The following SYNPO2 variants were observed in gnomAD, a reference collection of about 807,000 sequenced individuals.
SYNPO2 encodes the protein synaptopodin 2.
SYNPO2 carries 56 observed loss-of-function variants against 85.0 expected under a neutral mutation model. That is an observed-to-expected ratio of 0.66 (90% CI 0.53 to 0.82). The LOEUF is 0.82. Ranked by LOEUF, SYNPO2 falls within the 40% of genes least tolerant of loss-of-function variation. The pLI is 0.00. For missense variants in SYNPO2, 1,575 were observed against 1,534.2 expected (o/e 1.03, Z -0.44); for synonymous variants, 602 against 591.1 (o/e 1.02, Z -0.27).
At chr4:118,932,807 T>C (rs569380514) in intron 1 of SYNPO2, among the ~76,000 whole-genome samples, 1 of 152,340 alleles carries the variant, frequency 6.6e-6, no homozygotes, top group South Asian at 2.1e-4. Context: ...CAAGAACCTG[T>C]CTTTGTGGAG....
chr4:118,910,749 G>C (rs1733108330), intron 1 of SYNPO2, among the ~76,000 whole-genome samples: 1 of 152,100 alleles, frequency 6.6e-6, no homozygotes. Flanking sequence ...TAATCCAATA[G>C]TTCATTCTGA....
chr4:119,032,573 T>C lies in SYNPO2; in HGVS notation c.3252+546T>C, dbSNP rs868084458. On this transcript the variant is annotated intron_variant, in intron 4 of 4. Transcript: ENST00000307142. ...CTGTCAATCTCAGCCACCTGTTTGA[T>C]ATCACAGAGAAGATACTCGGAGGAT... The C allele has an allele frequency of 1.5e-4, 145 of 996,318 alleles. No homozygotes were observed. The Middle Eastern group carries it at 2.6e-3, about 18-fold the overall frequency. 61.7% of individuals were successfully genotyped at this position (996,318 alleles called of 1,614,324 possible).
intron 1 of SYNPO2, among the ~76,000 whole-genome samples, chr4:118,982,496 T>C (rs1376606957): frequency 6.6e-6 from 1 of 152,002 alleles, no homozygotes; most frequent in Non-Finnish European, 1.5e-5. Flanking sequence ...TGAGAGAAAA[T>C]AAAAGAGGGG....
At chr4:118,921,556 T>C (rs976400294) in intron 1 of SYNPO2, among the ~76,000 whole-genome samples, 10 of 152,070 alleles carry the variant, frequency 6.6e-5, no homozygotes, top group African/African-American at 2.2e-4. Flanking sequence ...GAGCCCAGCC[T>C]GGGAAACATA....
intron 1 of SYNPO2, among the ~76,000 whole-genome samples, chr4:118,984,741 A>T (rs1420016880): frequency 6.6e-6 from 1 of 152,162 alleles, no homozygotes; most frequent in Non-Finnish European, 1.5e-5. Context: ...TAAGCACTTG[A>T]TGAGTCTATC....
At chr4:118,916,672 G>A (rs901958335) in intron 1 of SYNPO2, among the ~76,000 whole-genome samples, 3 of 147,404 alleles carry the variant, frequency 2.0e-5, no homozygotes, top group Admixed American at 1.3e-4. Context: ...TGTTTTTGAA[G>A]TTTCAGAGCA....
intron 1 of SYNPO2, among the ~76,000 whole-genome samples, chr4:118,899,061 A>G (rs1266119019): frequency 2.0e-5 from 3 of 152,242 alleles, no homozygotes; most frequent in Admixed American, 6.5e-5. Flanking sequence ...GTGATCACAC[A>G]CAGCTTTCAC....
rs564645175 is a variant in SYNPO2 at position 119,005,601 on chromosome 4, A to G, written c.106-17829A>G. ...CATTGGTCTATATCTCTGTTTTGGT[A>G]CCAGTACCATGCTGTTTTGGTTACT... On this transcript the variant is annotated intron_variant, in intron 1 of 4. Transcript: ENST00000307142. Among the ~76,000 whole-genome samples the G allele has an allele frequency of 1.4e-3, 195 of 143,532 alleles. 2 individuals carry two copies. The highest frequency in any genetic ancestry group is 7.0e-3 in the Middle Eastern group (2 of 286). 94.2% of individuals were successfully genotyped at this position (143,532 alleles called of 152,430 possible).
chr4:118,988,694 G>A (rs1433495273), intron 1 of SYNPO2, among the ~76,000 whole-genome samples: 2 of 152,162 alleles, frequency 1.3e-5, no homozygotes, highest in African/African-American at 4.8e-5. Context: ...ATTATGATGA[G>A]GAGTTTCAGG....
chr4:118,952,961 T>C lies in SYNPO2; in HGVS notation c.105+63820T>C, dbSNP rs570376662. ...AAAAAATTATACAGAATCAGAGTAG[T>C]GGAGTCAGGATTCTAACCCTGAATC... is the stretch of plus-strand genomic sequence containing the variant. On this transcript the variant is annotated intron_variant, in intron 1 of 4. Transcript: ENST00000307142. Among the ~76,000 whole-genome samples, 16 of 152,274 alleles carry C rather than the reference T, an allele frequency of 1.1e-4. No individual in the cohort carries two copies. The South Asian group carries it at 3.1e-3, about 30-fold the overall frequency.
At chr4:118,852,489 A>T (rs1457469422) in intron 1 of SYNPO2, among the ~76,000 whole-genome samples, 5 of 152,268 alleles carry the variant, frequency 3.3e-5, no homozygotes, top group Non-Finnish European at 7.3e-5. Flanking sequence ...TCAGTGACAG[A>T]TTGGATAAAG....
chr4:118,889,320 A>G (rs116042138), intron 1 of SYNPO2, among the ~76,000 whole-genome samples, 179 bp downstream of exon 1: 2,480 of 152,290 alleles, frequency 0.016, 75 homozygotes, highest in African/African-American at 0.055. Context: ...GTAATGGGCC[A>G]CATCCTATGT....
intron 1 of SYNPO2, among the ~76,000 whole-genome samples, chr4:118,999,030 T>C (rs921521818): frequency 6.6e-6 from 1 of 152,232 alleles, no homozygotes; most frequent in Non-Finnish European, 1.5e-5. Flanking sequence ...AGATTTAGTT[T>C]TGTCTTCTGG....
intron 4 of SYNPO2, among the ~76,000 whole-genome samples, chr4:119,048,517 T>A (rs1266863456): frequency 6.6e-6 from 1 of 152,166 alleles, no homozygotes; most frequent in Non-Finnish European, 1.5e-5. Context: ...TTTATTATGT[T>A]AGATGAGTGT....
At chr4:118,944,261 G>A (rs566732067) in intron 1 of SYNPO2, among the ~76,000 whole-genome samples, 5 of 152,154 alleles carry the variant, frequency 3.3e-5, no homozygotes, top group South Asian at 2.1e-4. Context: ...CAGTCTACTC[G>A]CAGTAGACTA....
At chr4:118,878,838 A>C (rs961984902) in intron 1 of SYNPO2, among the ~76,000 whole-genome samples, 5 of 152,148 alleles carry the variant, frequency 3.3e-5, no homozygotes, top group Non-Finnish European at 4.4e-5. Context: ...AAAGCTGGCC[A>C]CCCCAGCCAG....
At chr4:118,893,375 G>A (rs985876338) in intron 1 of SYNPO2, among the ~76,000 whole-genome samples, 1 of 152,162 alleles carries the variant, frequency 6.6e-6, no homozygotes, top group African/African-American at 2.4e-5. Flanking sequence ...CCCTTGCTAT[G>A]TGCCAGGAAA....
chr4:118,886,810 C>T (rs114175442), upstream of SYNPO2, among the ~76,000 whole-genome samples: 1,401 of 146,120 alleles, frequency 9.6e-3, 28 homozygotes, highest in African/African-American at 0.032. Flanking sequence ...GTATCTGGCC[C>T]TCATGACCTT....
intron 1 of SYNPO2, among the ~76,000 whole-genome samples, chr4:118,978,792 GACACACAC>G (rs5861400): frequency 0.06 from 8,856 of 148,206 alleles, 325 homozygotes; most frequent in Non-Finnish European, 0.079. Flanking sequence ...CTCCTGCCAT[GACACACAC>G]ACACACACAC....
Sources: gnomAD v4.1 joint callset for allele counts (sites outside exome capture counted in the v4.1 genomes callset) on GRCh38, gnomAD v4.1.1 for gene constraint, MANE v1.5 for transcripts, NCBI Gene and HGNC (gene_info 2026-07-23, HGNC 2026-07-21) for gene names.